Variants in HMGCLL1 observed in about 807,000 individuals in gnomAD.
HMGCLL1 encodes the protein 3-hydroxy-3-methylglutaryl-CoA lyase like 1.
HMGCLL1 carries 36 observed loss-of-function variants against 39.1 expected under a neutral mutation model. The ratio of observed to expected loss-of-function variants is 0.92; its 90% CI spans 0.71 to 1.22. HMGCLL1 has a LOEUF of 1.22. Ranked by LOEUF, HMGCLL1 falls within the 50% of genes most tolerant of loss-of-function variation. The pLI is 0.00. For missense variants in HMGCLL1, 451 were observed against 416.5 expected (o/e 1.08, Z -0.72); for synonymous variants, 149 against 144.0 (o/e 1.03, Z -0.25).
rs1309113930 is a variant in HMGCLL1, at chr6:55,435,079, G to A, written c.*583C>T. 6.6e-6 allele frequency: 1 copy of A among 152,524 alleles called. No homozygotes were observed. The highest frequency in any genetic ancestry group is 1.5e-5 in the Non-Finnish European group (1 of 67,996). The allele number at this position is 152,524 out of a possible 1,614,324, so 9.4% of individuals were successfully genotyped here. A position where few individuals can be genotyped will look rare whatever the true frequency, so the allele number is the denominator to read the frequency against. The stretch of plus-strand genomic sequence containing the variant: ...TCTTGCCATTGGCCACAGCCTCTTG[G>A]AACCAGATAAAGTCACTGAAATAGT... On this transcript the variant is annotated 3_prime_UTR_variant, in exon 9 of 9. Coordinates refer to ENST00000274901, the MANE Select transcript of HMGCLL1 (RefSeq NM_001042406.2).
chr6:55,628,568 C>T, the HMGCLL1 span, among the ~76,000 whole-genome samples: 1 of 151,760 alleles, frequency 6.6e-6, no homozygotes, highest in Admixed American at 6.6e-5. Context: ...CCTCTTTCAG[C>T]CCTTTAAATA....
chr6:55,478,085 C>G (rs1765551712), intron 7 of HMGCLL1, among the ~76,000 whole-genome samples: 2 of 94,210 alleles, frequency 2.1e-5, no homozygotes, highest in Non-Finnish European at 5.0e-5. Context: ...CAGTGAGGTT[C>G]TGTTTTTTTT....
chr6:55,606,973 A>G, the HMGCLL1 span, among the ~76,000 whole-genome samples: 4 of 152,156 alleles, frequency 2.6e-5, no homozygotes, highest in Non-Finnish European at 5.9e-5. Flanking sequence ...TAACCCATAG[A>G]GATGCATTTT....
chr6:55,503,615 C>T (rs1485783621), intron 5 of HMGCLL1, among the ~76,000 whole-genome samples: 1 of 151,568 alleles, frequency 6.6e-6, no homozygotes, highest in African/African-American at 2.4e-5. Flanking sequence ...GCCCATAACC[C>T]CAGGATCAAC....
At chr6:55,452,744 T>C (rs965095399) in intron 7 of HMGCLL1, among the ~76,000 whole-genome samples, 4 of 152,140 alleles carry the variant, frequency 2.6e-5, no homozygotes, top group African/African-American at 9.6e-5. Flanking sequence ...GAGACACCCC[T>C]GTGTCTTCAT....
At chr6:55,586,530 G>T in the HMGCLL1 span, among the ~76,000 whole-genome samples, 1 of 151,628 alleles carries the variant, frequency 6.6e-6, no homozygotes, top group African/African-American at 2.4e-5. Context: ...ATCTCCTAAT[G>T]CTATCCCTCC....
At chr6:55,599,656 T>G in the HMGCLL1 span, among the ~76,000 whole-genome samples, 354 of 152,320 alleles carry the variant, frequency 2.3e-3, 3 homozygotes, top group Non-Finnish European at 4.2e-3. Context: ...AAAATATAAA[T>G]GCCTTGCCTT....
the HMGCLL1 span, among the ~76,000 whole-genome samples, chr6:55,594,259 G>T: frequency 2.0e-5 from 3 of 152,056 alleles, no homozygotes; most frequent in Non-Finnish European, 4.4e-5. Context: ...TAGTTCAAAT[G>T]TCTGGGTTTC....
chr6:55,645,177 T>A, the HMGCLL1 span, among the ~76,000 whole-genome samples: 4 of 152,062 alleles, frequency 2.6e-5, no homozygotes, highest in East Asian at 7.7e-4. Context: ...AAATGAGATT[T>A]TTTTTTACTT....
chr6:55,489,912 G>A (rs1210455405), intron 7 of HMGCLL1, among the ~76,000 whole-genome samples: 1 of 152,072 alleles, frequency 6.6e-6, no homozygotes, highest in Non-Finnish European at 1.5e-5. Flanking sequence ...ATGAGGAAAT[G>A]CAATTATCCC....
At chr6:55,550,563 C>A (rs1770273681) in intron 1 of HMGCLL1, among the ~76,000 whole-genome samples, 2 of 151,952 alleles carry the variant, frequency 1.3e-5, no homozygotes, top group African/African-American at 4.8e-5. Context: ...GGAGACTGTT[C>A]CCAGGGAACC....
chr6:55,590,537 C>CA, the HMGCLL1 span, among the ~76,000 whole-genome samples: 1 of 152,024 alleles, frequency 6.6e-6, no homozygotes, highest in South Asian at 2.1e-4. Flanking sequence ...CAACAAAAGC[C>CA]AAAATTGACA....
intron 5 of HMGCLL1, among the ~76,000 whole-genome samples, chr6:55,503,177 A>C (rs9382500): frequency 0.68 from 102,368 of 151,558 alleles, 34,594 homozygotes; most frequent in Non-Finnish European, 0.7. Flanking sequence ...TTTATCAATT[A>C]TTGAACAAAT....
chr6:55,611,548 T>G, the HMGCLL1 span, among the ~76,000 whole-genome samples: 2 of 152,248 alleles, frequency 1.3e-5, no homozygotes, highest in South Asian at 4.1e-4. Context: ...TGGTGAACAC[T>G]GATGCAAAAT....
chr6:55,609,234 G>A, the HMGCLL1 span, among the ~76,000 whole-genome samples: 2 of 152,258 alleles, frequency 1.3e-5, no homozygotes, highest in South Asian at 2.1e-4. Flanking sequence ...GAGCTCCCTG[G>A]GGGAGGGGTG....
upstream of HMGCLL1, among the ~76,000 whole-genome samples, chr6:55,580,439 G>A (rs1194055565): frequency 3.7e-4 from 37 of 98,868 alleles, no homozygotes; most frequent in African/African-American, 1.3e-3. Flanking sequence ...TTTTTGAGAC[G>A]GAGTCTCGCT....
intron 3 of HMGCLL1, among the ~76,000 whole-genome samples, chr6:55,537,667 A>T (rs563024326): frequency 6.6e-6 from 1 of 151,974 alleles, no homozygotes; most frequent in African/African-American, 2.4e-5. Context: ...AATCTCCAAC[A>T]CTCTGATACT....
At chr6:55,455,615 A>G (rs946645426) in intron 7 of HMGCLL1, among the ~76,000 whole-genome samples, 1 of 152,176 alleles carries the variant, frequency 6.6e-6, no homozygotes, top group Non-Finnish European at 1.5e-5. Context: ...ATAGTTCAAG[A>G]TCATTATGTG....
chr6:55,590,040 T>C, the HMGCLL1 span, among the ~76,000 whole-genome samples: 1 of 151,988 alleles, frequency 6.6e-6, no homozygotes, highest in Admixed American at 6.6e-5. Flanking sequence ...TTCACAGAAT[T>C]GAAAAAAACT....
Sources: gnomAD v4.1 joint callset for allele counts (sites outside exome capture counted in the v4.1 genomes callset) on GRCh38, gnomAD v4.1.1 for gene constraint, MANE v1.5 for transcripts, NCBI Gene and HGNC (gene_info 2026-07-23, HGNC 2026-07-21) for gene names.